The following U2AF2 variants were observed in gnomAD, a reference collection of about 807,000 sequenced individuals.
The protein encoded by U2AF2 is U2 small nuclear RNA auxiliary factor 2.
U2AF2 carries 6 observed loss-of-function variants against 52.6 expected under a neutral mutation model. The ratio of observed to expected loss-of-function variants is 0.11; its 90% CI spans 0.06 to 0.23. The LOEUF is 0.23. U2AF2 is among the 10% of genes least tolerant of loss of function. U2AF2 has a pLI of 1.00. For synonymous variants in U2AF2, 284 were observed against 258.2 expected (o/e 1.10, Z -0.96); for missense variants, 222 against 677.1 (o/e 0.33, Z 7.46).
chr19:55,655,217 C>T (rs1362490278), intron 1 of U2AF2, 64 bp downstream of exon 1: 6 of 1,529,304 alleles, frequency 3.9e-6, no homozygotes, highest in Non-Finnish European at 4.4e-6. Context: ...TTTGCCCCCC[C>T]GCCATTTTCT....
intron 7 of U2AF2, among the ~76,000 whole-genome samples, chr19:55,665,803 C>G (rs905107409): frequency 6.6e-6 from 1 of 152,176 alleles, no homozygotes; most frequent in African/African-American, 2.4e-5. Flanking sequence ...CATGTGCCAC[C>G]ACACCTGCTA....
In U2AF2 at chr19:55,660,496, T is replaced by TGG; in HGVS notation, c.231-20_231-19insGG. 36 of 894,542 alleles carry TGG rather than the reference T, an allele frequency of 4.0e-5. No individual in the cohort carries two copies. Among genetic ancestry groups the TGG allele is most frequent in the Non-Finnish European group, 5.8e-5 (32 of 553,276 alleles). The allele number at this position is 894,542 out of a possible 1,614,324, so 55.4% of individuals were successfully genotyped here. ...AGACTGAGGTTGCCCTGCCCCGCTC[T>TGG]CCCCTCCCACCTCCCCCAGTCGTTC... On this transcript the variant is annotated intron_variant, in intron 3 of 11. Transcript: ENST00000308924.
intron 6 of U2AF2, 64 bp from the exon 7 acceptor site, chr19:55,663,542 G>A (rs939354189): frequency 1.3e-6 from 2 of 1,553,214 alleles, no homozygotes; most frequent in African/African-American, 2.7e-5. Context: ...CCCAATCCTG[G>A]AACACTAGGG....
intron 2 of U2AF2, among the ~76,000 whole-genome samples, chr19:55,659,829 C>T (rs551408400): frequency 1.3e-5 from 2 of 152,188 alleles, no homozygotes; most frequent in Admixed American, 6.5e-5. Flanking sequence ...CCAGGGGTGT[C>T]GGTTTCCACC....
At chr19:55,670,363 T>G (rs1568555155) in intron 11 of U2AF2, among the ~76,000 whole-genome samples, 2 of 149,592 alleles carry the variant, frequency 1.3e-5, no homozygotes. Context: ...GGTGTATGTA[T>G]GGAATTCCCA....
chr19:55,660,051 C>A, intron 2 of U2AF2, 126 bp from the exon 3 acceptor site: 2 of 769,390 alleles, frequency 2.6e-6, no homozygotes, highest in Non-Finnish European at 4.1e-6. Flanking sequence ...GGGTGGCCTG[C>A]TTGCTGCTTG....
At chr19:55,669,249 T>A in intron 10 of U2AF2, 68 bp downstream of exon 10, 9 of 1,578,396 alleles carry the variant, frequency 5.7e-6, no homozygotes, top group Non-Finnish European at 6.0e-6. Flanking sequence ...GGGACAAGTG[T>A]TCCTGATCTT....
At chr19:55,673,841 T>A in intron 11 of U2AF2, 93 bp from the exon 12 acceptor site, 1 of 1,514,372 alleles carries the variant, frequency 6.6e-7, no homozygotes, top group Non-Finnish European at 8.9e-7. Context: ...CTCCTCCCTG[T>A]CCCTTCCTGC....
chr19:55,665,663 T>G (rs12982547), intron 7 of U2AF2, among the ~76,000 whole-genome samples: 1,729 of 152,270 alleles, frequency 0.011, 14 homozygotes, highest in Non-Finnish European at 0.019. Context: ...TTGTTGTGTT[T>G]TTTGAGACGG....
intron 5 of U2AF2, 25 bp from the exon 6 acceptor site, chr19:55,662,477 C>G (rs747917594): frequency 1.1e-5 from 15 of 1,402,420 alleles, no homozygotes; most frequent in Middle Eastern, 1.9e-4. Context: ...CCCGCCCCCC[C>G]CCTTGTCTCC....
Position 55,673,679 on chromosome 19 carries a change from T to TC in U2AF2, c.1294-254dup, listed in dbSNP as rs548733086. 5.9e-5 allele frequency among the ~76,000 whole-genome samples: 9 copies of TC among 152,334 alleles called. No individual in the cohort carries two copies. The South Asian group carries it at 1.0e-3, about 18-fold the overall frequency. On this transcript the variant is annotated intron_variant, in intron 11 of 11. Transcript: ENST00000308924. ...AGGCCTCCCGCCTGCGCTCTATGGC[T>TC]CTGCTGAGTTTCTGGCATGTCTCTA...
chr19:55,664,520 C>G (rs1430669437), intron 7 of U2AF2, among the ~76,000 whole-genome samples: 1 of 152,180 alleles, frequency 6.6e-6, no homozygotes, highest in Non-Finnish European at 1.5e-5. Flanking sequence ...TTGTCTGATG[C>G]CCTGTCAGGG....
intron 7 of U2AF2, among the ~76,000 whole-genome samples, chr19:55,666,576 G>T (rs531699077): frequency 6.6e-6 from 1 of 152,228 alleles, no homozygotes; most frequent in Non-Finnish European, 1.5e-5. Flanking sequence ...CTGTTCTCAC[G>T]TCCTCGATTG....
chr19:55,660,901 A>G, intron 4 of U2AF2, 137 bp from the exon 5 acceptor site: 1 of 1,396,602 alleles, frequency 7.2e-7, no homozygotes, highest in South Asian at 1.6e-5. Flanking sequence ...GAGGGTGGAA[A>G]GAGGGTTCTG....
At chr19:55,659,896 C>T (rs1984055325) in intron 2 of U2AF2, among the ~76,000 whole-genome samples, 4 of 152,150 alleles carry the variant, frequency 2.6e-5, no homozygotes, top group Non-Finnish European at 4.4e-5. Flanking sequence ...TGAGGAAGGG[C>T]AGGATAGGCG....
At chr19:55,657,824 C>G (rs961710432) in intron 1 of U2AF2, among the ~76,000 whole-genome samples, 3 of 152,200 alleles carry the variant, frequency 2.0e-5, no homozygotes, top group African/African-American at 7.2e-5. Context: ...TCACCATTTC[C>G]TAGCTGTTTG....
intron 7 of U2AF2, among the ~76,000 whole-genome samples, chr19:55,664,949 C>T (rs1053237402): frequency 2.0e-5 from 3 of 152,140 alleles, no homozygotes; most frequent in African/African-American, 4.8e-5. Flanking sequence ...GACGCCTGAC[C>T]TCAAGTGATC....
At position 55,674,621 on chromosome 19, in the gene U2AF2, A is replaced by G. The variant is rs1002348473; in HGVS notation, c.*553A>G. 2.0e-5 allele frequency: 3 copies of G among 152,674 alleles called. No individual in the cohort carries two copies. The highest frequency in any genetic ancestry group is 7.3e-5 in the African/African-American group (3 of 41,220). The allele number at this position is 152,674 out of a possible 1,614,324, so 9.5% of individuals were successfully genotyped here. ...CTTTAGTCTCCCCCGACCTGCGCCC[A>G]GCCCCGTGGCCCCTGCCCCTCTCCT... On this transcript the variant is annotated 3_prime_UTR_variant, in exon 12 of 12. Coordinates refer to ENST00000308924, the MANE Select transcript of U2AF2 (RefSeq NM_007279.3).
At chr19:55,662,908 C>T (rs775806838) in intron 6 of U2AF2, among the ~76,000 whole-genome samples, 1 of 152,110 alleles carries the variant, frequency 6.6e-6, no homozygotes, top group Admixed American at 6.5e-5. Context: ...GCCACACTGA[C>T]CTTCCCAGAA....
Sources: allele counts gnomAD v4.1 joint callset (sites outside exome capture counted in the v4.1 genomes callset), GRCh38; gene constraint gnomAD v4.1.1; transcripts MANE v1.5; gene names NCBI Gene and HGNC (gene_info 2026-07-23, HGNC 2026-07-21).